BMPR1A: variants seen among roughly 807,000 people sequenced by gnomAD.
The protein encoded by BMPR1A is bone morphogenetic protein receptor type-1A.
BMPR1A carries 7 observed loss-of-function variants against 66.0 expected under a neutral mutation model. That is an observed-to-expected ratio of 0.11 (90% CI 0.06 to 0.20). The LOEUF is 0.20. Ranked by LOEUF, BMPR1A falls within the 10% of genes least tolerant of loss-of-function variation. BMPR1A has a pLI of 1.00. For synonymous variants in BMPR1A, 200 were observed against 229.7 expected (o/e 0.87, Z 1.17); for missense variants, 408 against 669.1 (o/e 0.61, Z 4.31).
In BMPR1A at chr10:86,926,094, A is replaced by C. The variant is rs1314195834; in HGVS notation, c.*2375A>C. On this transcript the variant is annotated 3_prime_UTR_variant, in exon 13 of 13. Transcript: ENST00000372037. ...ATTACAGCCAGTATATGAGACCACTATTATGGTTTTTTAAAATTAACTTGG... is the reference window on the plus strand; with the variant it reads ...ATTACAGCCAGTATATGAGACCACTCTTATGGTTTTTTAAAATTAACTTGG... 1 of 172,048 alleles carries C rather than the reference A, an allele frequency of 5.8e-6. No homozygotes were observed. Among genetic ancestry groups the C allele is most frequent in the Non-Finnish European group, 1.3e-5 (1 of 79,602 alleles). 10.7% of individuals were successfully genotyped at this position (172,048 alleles called of 1,614,324 possible).
intron 11 of BMPR1A, among the ~76,000 whole-genome samples, 187 bp downstream of exon 11, chr10:86,921,882 C>A (rs1168524957): frequency 1.3e-5 from 2 of 152,222 alleles, no homozygotes. Flanking sequence ...AATTGGATAT[C>A]TGTCCCTTCA....
intron 1 of BMPR1A, among the ~76,000 whole-genome samples, chr10:86,835,788 T>C (rs1435447379): frequency 6.6e-6 from 1 of 152,048 alleles, no homozygotes; most frequent in Non-Finnish European, 1.5e-5. Flanking sequence ...ATTTAACCAT[T>C]TTAATAATTT....
At chr10:86,870,673 C>G (rs574111481) in intron 2 of BMPR1A, among the ~76,000 whole-genome samples, 28 of 152,278 alleles carry the variant, frequency 1.8e-4, no homozygotes, top group African/African-American at 5.8e-4. Context: ...ATTCTCCCAC[C>G]TCAGCCTTCC....
In BMPR1A at chr10:86,922,503, C is replaced by T. The variant is rs1232029563; in HGVS notation, c.1342+808C>T. On this transcript the variant is annotated intron_variant, in intron 11 of 12. Transcript: ENST00000372037. ...ACCACCCCCAGGTTGTGCGATTTCA[C>T]TTGAAGGACCACAGGACTCGGCATG... Among the ~76,000 whole-genome samples the T allele has an allele frequency of 4.6e-5, 7 of 152,330 alleles. No individual in the cohort carries two copies. The East Asian group carries it at 1.3e-3, about 29-fold the overall frequency.
intron 1 of BMPR1A, among the ~76,000 whole-genome samples, chr10:86,762,562 G>A (rs1160395452): frequency 2.0e-5 from 3 of 152,106 alleles, no homozygotes; most frequent in Admixed American, 6.5e-5. Flanking sequence ...GTTTTGCCTC[G>A]TGGGCCAGGC....
chr10:86,815,940 T>TG lies in BMPR1A; in HGVS notation c.-267-22924dup, dbSNP rs143866230. Among the ~76,000 whole-genome samples the TG allele has an allele frequency of 2.6e-3, 393 of 152,356 alleles. 2 individuals are homozygous for TG. Among genetic ancestry groups the TG allele is most frequent in the African/African-American group, 8.9e-3 (370 of 41,584 alleles). ...CATGAAGATGCTCTGCTCTCTTTCT[T>TG]GCCTAGGATATCCCTGGTCATAGGA... On this transcript the variant is annotated intron_variant, in intron 1 of 12. Transcript: ENST00000372037.
At chr10:86,852,758 C>T (rs1298498632) in intron 2 of BMPR1A, among the ~76,000 whole-genome samples, 1 of 152,110 alleles carries the variant, frequency 6.6e-6, no homozygotes, top group African/African-American at 2.4e-5. Flanking sequence ...TTACTCTATT[C>T]CAAGCACCGT....
At chr10:86,855,603 C>G (rs574936407) in intron 2 of BMPR1A, 2 of 608,314 alleles carry the variant, frequency 3.3e-6, no homozygotes. Flanking sequence ...TTGAAGAACT[C>G]TTGAGTATTT....
chr10:86,799,646 G>A lies in BMPR1A; in HGVS notation c.-267-39219G>A, dbSNP rs182341155. Among the ~76,000 whole-genome samples, 3 of 151,696 alleles carry A rather than the reference G, an allele frequency of 2.0e-5. No homozygotes were observed. The East Asian group carries it at 5.8e-4, about 29-fold the overall frequency. On this transcript the variant is annotated intron_variant, in intron 1 of 12. Coordinates refer to ENST00000372037, the MANE Select transcript of BMPR1A (RefSeq NM_004329.3). ...GGATCACTGCAACCTCTGCCTCTTG[G>A]GCTCAAGTGATCCTCCCTCCTTATC...
chr10:86,901,438 C>T, intron 7 of BMPR1A, among the ~76,000 whole-genome samples: 1 of 152,206 alleles, frequency 6.6e-6, no homozygotes, highest in South Asian at 2.1e-4. Flanking sequence ...ACTTTACTTC[C>T]AGACATAACC....
chr10:86,835,515 T>G (rs1483669689), intron 1 of BMPR1A, among the ~76,000 whole-genome samples: 2 of 117,024 alleles, frequency 1.7e-5, no homozygotes, highest in South Asian at 5.4e-4. Flanking sequence ...CGTGCCACTG[T>G]ACTCCAGCCT....
chr10:86,892,959 T>C (rs1589764752), intron 5 of BMPR1A, among the ~76,000 whole-genome samples: 1 of 152,076 alleles, frequency 6.6e-6, no homozygotes, highest in African/African-American at 2.4e-5. Context: ...TTCTAAACTT[T>C]CTTATCACAA....
At chr10:86,801,440 C>T (rs867814495) in intron 1 of BMPR1A, among the ~76,000 whole-genome samples, 3 of 152,322 alleles carry the variant, frequency 2.0e-5, no homozygotes, top group Middle Eastern at 3.4e-3. Flanking sequence ...TGTGCCCAGC[C>T]TGATAGAAGC....
chr10:86,812,194 C>CT lies in BMPR1A; in HGVS notation c.-267-26668dup, dbSNP rs1410987358. ...GTCACCGGAAAACCTCCTGCTATCC[C>CT]TTTGCAGTCACACCCCTACTTCACC... On this transcript the variant is annotated intron_variant, in intron 1 of 12. Coordinates refer to ENST00000372037, the MANE Select transcript of BMPR1A (RefSeq NM_004329.3). Among the ~76,000 whole-genome samples the CT allele has an allele frequency of 2.6e-5, 4 of 152,286 alleles. No individual in the cohort carries two copies. In the East Asian group the frequency reaches 7.7e-4, roughly 29 times the overall value.
In BMPR1A at chr10:86,927,883, C is replaced by G. The variant is rs1389038362; in HGVS notation, c.*4164C>G. 5.3e-6 allele frequency: 1 copy of G among 190,082 alleles called. No homozygotes were observed. Among genetic ancestry groups the G allele is most frequent in the East Asian group, 8.5e-5 (1 of 11,750 alleles). The allele number at this position is 190,082 out of a possible 1,614,324, so 11.8% of individuals were successfully genotyped here. ...GTACAGCATCTGGTTTAAAAGGTGCCTTAAGAGTTTACCATTACTTGCTTT... is the reference window on the plus strand; with the variant it reads ...GTACAGCATCTGGTTTAAAAGGTGCGTTAAGAGTTTACCATTACTTGCTTT... On this transcript the variant is annotated 3_prime_UTR_variant, in exon 13 of 13. Coordinates refer to ENST00000372037, the MANE Select transcript of BMPR1A (RefSeq NM_004329.3).
chr10:86,828,785 TAAA>T (rs10711218), intron 1 of BMPR1A, among the ~76,000 whole-genome samples: 2 of 137,566 alleles, frequency 1.5e-5, no homozygotes, highest in Admixed American at 7.6e-5. Context: ...AAGCTCTGTA[TAAA>T]AAAAAAATAT....
chr10:86,846,282 A>C (rs1331157866), intron 2 of BMPR1A, among the ~76,000 whole-genome samples: 1 of 152,122 alleles, frequency 6.6e-6, no homozygotes. Context: ...TGTTGGGCCT[A>C]TGTAGAGCCT....
chr10:86,829,181 G>T (rs1014075860), intron 1 of BMPR1A, among the ~76,000 whole-genome samples: 1 of 151,908 alleles, frequency 6.6e-6, no homozygotes, highest in African/African-American at 2.4e-5. Context: ...ATTTCGTAGT[G>T]ATTTTTTCTT....
rs1170012962 is a variant in BMPR1A, at chr10:86,757,203, G to A, written c.-268+284G>A. Among the ~76,000 whole-genome samples, 5 of 152,166 alleles carry A rather than the reference G, an allele frequency of 3.3e-5. No homozygotes were observed. In the East Asian group the frequency reaches 9.7e-4, roughly 29 times the overall value. On this transcript the variant is annotated intron_variant, in intron 1 of 12. Transcript: ENST00000372037. ...TGCGGAGTGGGCGAAAGTCGCTCCG[G>A]GGACGCTTCTGGAATCCTTAAATGG... is the stretch of plus-strand genomic sequence containing the variant.
Sources: allele counts gnomAD v4.1 joint callset (sites outside exome capture counted in the v4.1 genomes callset), GRCh38; gene constraint gnomAD v4.1.1; transcripts MANE v1.5; gene names NCBI Gene and HGNC (gene_info 2026-07-23, HGNC 2026-07-21).